NUDT22: variants seen among roughly 807,000 people sequenced by gnomAD.
NUDT22 encodes the protein nudix hydrolase 22.
NUDT22 carries 23 observed loss-of-function variants against 28.8 expected under a neutral mutation model. The observed-to-expected ratio is 0.80, with a 90% confidence interval of 0.58 to 1.13. The LOEUF (loss-of-function observed/expected upper bound fraction) is 1.13, where lower values mean the gene tolerates loss of function less well. Ranked by LOEUF, NUDT22 falls within the 50% of genes most tolerant of loss-of-function variation. The probability of loss-of-function intolerance (pLI) is 0.00; values close to 1 mark genes in which losing one functional copy is unlikely to be tolerated. For missense variants in NUDT22, 358 were observed against 387.3 expected, an observed-to-expected ratio of 0.92 and a Z score of 0.64; for synonymous variants, 175 against 173.7, an observed-to-expected ratio of 1.01 and a Z score of -0.06.
At chr11:64,227,817 T>C in intron 3 of NUDT22, 151 bp downstream of exon 3, 2 of 631,676 alleles carry the variant, frequency 3.2e-6, no homozygotes. Flanking sequence ...ATACTTGGAG[T>C]GGAATTCTAG....
downstream of NUDT22, chr11:64,230,158 G>C: frequency 1.2e-6 from 1 of 822,826 alleles, no homozygotes; most frequent in Non-Finnish European, 2.0e-6. Context: ...TAAGAACTGT[G>C]CCTCCCTTTC....
At chr11:64,230,158 G>A (rs1444655600), downstream of NUDT22, 2 of 822,826 alleles carry the variant, frequency 2.4e-6, no homozygotes, top group Non-Finnish European at 4.0e-6. Context: ...TAAGAACTGT[G>A]CCTCCCTTTC....
Position 64,229,322 on chromosome 11 carries a change from G to A in NUDT22, c.655G>A (p.Ala219Thr). 2 of 1,610,962 alleles carry A rather than the reference G, an allele frequency of 1.2e-6. No individual in the cohort carries two copies. The highest frequency in any genetic ancestry group is 1.7e-6 in the Non-Finnish European group (2 of 1,178,422). The change falls in exon 4 of 6, where the codon GCC becomes ACC. Residue 219 changes from alanine to threonine, a missense_variant. Transcript: ENST00000279206. ...CCGAAATGAGACCAGTGCTGGCCGA[G>A]CCAGTGCCGAGTTCTATGTCCAGTG... Reference protein sequence around the residue: ...IARNETSAGRASAEFYVQCSL... With the variant: ...IARNETSAGRTSAEFYVQCSL...
Position 64,229,914 on chromosome 11 carries a change from T to C in NUDT22, c.836T>C (p.Ile279Thr). 1 of 1,613,252 alleles carries C rather than the reference T, an allele frequency of 6.2e-7. No individual in the cohort carries two copies. The highest frequency in any genetic ancestry group is 8.5e-7 in the Non-Finnish European group (1 of 1,179,970). ...AELCPSAKGA[I>T]ILYNRVQGSP... ...CTCTGCCCCTCGGCCAAAGGCGCCA[T>C]CATCCTCTACAACCGGGTTCAGGGA... The change falls in exon 6 of 6, where the codon ATC becomes ACC. Residue 279 changes from isoleucine to threonine, a missense_variant. By Grantham distance (89) the Ile-to-Thr change is moderately conservative (BLOSUM62 -1). Coordinates refer to ENST00000279206, the MANE Select transcript of NUDT22 (RefSeq NM_032344.4).
chr11:64,226,352 G>C lies in NUDT22; in HGVS notation c.-94G>C. 1 of 1,231,854 alleles carries C rather than the reference G, an allele frequency of 8.1e-7. No individual in the cohort carries two copies. Among genetic ancestry groups the C allele is most frequent in the Non-Finnish European group, 1.0e-6 (1 of 985,216 alleles). The allele number at this position is 1,231,854 out of a possible 1,614,324, so 76.3% of individuals were successfully genotyped here. A position where few individuals can be genotyped will look rare whatever the true frequency, so the allele number is the denominator to read the frequency against. ...GGGCCCTGGAAAGGGGTCCCCGCGC[G>C]CCCCGGGTCGGAGGCAGACCCCTGG... On this transcript the variant is annotated 5_prime_UTR_variant, in exon 1 of 6. Transcript: ENST00000279206.
At position 64,229,268 on chromosome 11, in the gene NUDT22, C is replaced by G. The variant is rs1434983117; in HGVS notation, c.601C>G (p.Leu201Val). ...GCAGGTGAACCTGCCGCTGCTCACC[C>G]TGAGCCAGCCCCTGCTGTTGGGCAT... Reference protein sequence around the residue: ...CDEVNLPLLTLSQPLLLGIAR... With the variant: ...CDEVNLPLLTVSQPLLLGIAR... The change falls in exon 4 of 6, where the codon CTG (leucine) becomes GTG (valine). Residue 201 changes from leucine to valine, a missense_variant. Leu to Val is a conservative substitution (Grantham distance 32). Coordinates refer to ENST00000279206, the MANE Select transcript of NUDT22 (RefSeq NM_032344.4). The G allele has an allele frequency of 1.3e-6, 2 of 1,587,616 alleles. No homozygotes were observed. Among genetic ancestry groups the G allele is most frequent in the Admixed American group, 1.8e-5 (1 of 56,446 alleles).
intron 3 of NUDT22, chr11:64,228,484 G>A (rs1213219606): frequency 1.3e-5 from 2 of 152,102 alleles, no homozygotes; most frequent in African/African-American, 2.4e-5. Flanking sequence ...CTAACACGGT[G>A]AAACCCTGAC....
At chr11:64,230,022 T>C, downstream of NUDT22, 1 of 1,610,800 alleles carries the variant, frequency 6.2e-7, no homozygotes, top group South Asian at 1.1e-5. Context: ...TTGGATTCCG[T>C]TGGCATCTGC....
intron 2 of NUDT22, chr11:64,227,340 G>C (rs772562805): frequency 2.7e-6 from 2 of 749,646 alleles, no homozygotes; most frequent in Admixed American, 2.0e-5. Flanking sequence ...CGGGAGGAAA[G>C]ATTGGGCACA....
chr11:64,227,468 C>G (rs1278363751), intron 2 of NUDT22, 100 bp from the exon 3 acceptor site: 1 of 890,964 alleles, frequency 1.1e-6, no homozygotes, highest in South Asian at 1.3e-5. Flanking sequence ...TTACACTGTG[C>G]CACATCAGAC....
rs141444103 is a variant in NUDT22, at chr11:64,229,295, G to C, written c.628G>C (p.Ala210Pro). 6.2e-7 allele frequency: 1 copy of C among 1,601,324 alleles called. No homozygotes were observed. The highest frequency in any genetic ancestry group is 2.3e-5 in the East Asian group (1 of 44,178). Residue 210 changes from alanine to proline, a missense_variant, in exon 4 of 6, where the codon GCC becomes CCC. Transcript: ENST00000279206. ...GAGCCAGCCCCTGCTGTTGGGCATC[G>C]CCCGAAATGAGACCAGTGCTGGCCG... Reference protein sequence around the residue: ...TLSQPLLLGIARNETSAGRAS... With the variant: ...TLSQPLLLGIPRNETSAGRAS...
chr11:64,228,488 C>A (rs1010151591), intron 3 of NUDT22: 1 of 151,872 alleles, frequency 6.6e-6, no homozygotes, highest in Non-Finnish European at 1.5e-5. Flanking sequence ...CACGGTGAAA[C>A]CCTGACTTTA....
In NUDT22 at chr11:64,229,303, T is replaced by A; in HGVS notation, c.636T>A (p.Asn212Lys). Reference protein sequence around the residue: ...SQPLLLGIARNETSAGRASAE... With the variant: ...SQPLLLGIARKETSAGRASAE... Reference sequence around the variant, plus strand: ...CCCTGCTGTTGGGCATCGCCCGAAATGAGACCAGTGCTGGCCGAGCCAGTG... The same window carrying A: ...CCCTGCTGTTGGGCATCGCCCGAAAAGAGACCAGTGCTGGCCGAGCCAGTG... Residue 212 changes from asparagine (N) to lysine (K), a missense_variant, in exon 4 of 6, where the codon AAT becomes AAA. Transcript: ENST00000279206. 1 of 1,604,980 alleles carries A rather than the reference T, an allele frequency of 6.2e-7. No homozygotes were observed. The highest frequency in any genetic ancestry group is 8.5e-7 in the Non-Finnish European group (1 of 1,175,674).
At chr11:64,227,381 C>T (rs1161473632) in intron 2 of NUDT22, 187 bp from the exon 3 acceptor site, 1 of 723,240 alleles carries the variant, frequency 1.4e-6, no homozygotes. Flanking sequence ...ACCCCTGCCC[C>T]CTGTGTATCT....
intron 3 of NUDT22, 174 bp from the exon 4 acceptor site, chr11:64,229,073 T>C: frequency 1.7e-6 from 1 of 573,076 alleles, no homozygotes; most frequent in South Asian, 2.2e-5. Context: ...CTGGTTTTGG[T>C]GTACCTGTAA....
chr11:64,227,499 G>A (rs776338431), intron 2 of NUDT22, 69 bp from the exon 3 acceptor site: 10 of 1,197,586 alleles, frequency 8.4e-6, no homozygotes, highest in South Asian at 2.4e-5. Flanking sequence ...AGCAGGTATA[G>A]GCTTGCTGGT....
Sources: gnomAD v4.1 joint callset for allele counts on GRCh38, gnomAD v4.1.1 for gene constraint, MANE v1.5 for transcripts, NCBI Gene and HGNC (gene_info 2026-07-23, HGNC 2026-07-21) for gene names.